Variants in SLF2 observed in about 807,000 individuals in gnomAD.
The protein encoded by SLF2 is SMC5/6 complex localization factor 2.
Under a neutral mutation model 124.3 loss-of-function variants are expected in SLF2, and 68 were observed. That is an observed-to-expected ratio of 0.55 (90% CI 0.45 to 0.67). The LOEUF (loss-of-function observed/expected upper bound fraction) is 0.67. Ranked by LOEUF, SLF2 falls within the 30% of genes least tolerant of loss-of-function variation. The pLI, the probability that SLF2 is intolerant of heterozygous loss-of-function variation, is 0.00. For synonymous variants in SLF2, 480 were observed against 478.8 expected (o/e 1.00, Z -0.03); for missense variants, 1,246 against 1,373.7 (o/e 0.91, Z 1.47).
intron 7 of SLF2, 45 bp downstream of exon 7, chr10:100,929,484 C>T: frequency 6.7e-7 from 1 of 1,498,972 alleles, no homozygotes; most frequent in East Asian, 2.4e-5. Context: ...AAAGTTTTTA[C>T]ATTTTTTAGT....
At chr10:100,932,814 G>C (rs1021520698) in intron 9 of SLF2, among the ~76,000 whole-genome samples, 1 of 152,056 alleles carries the variant, frequency 6.6e-6, no homozygotes, top group African/African-American at 2.4e-5. Context: ...AGAGAGTACC[G>C]GGGTGAGAGA....
At chr10:100,945,243 C>G (rs1850080926) in intron 12 of SLF2, 87 bp from the exon 13 acceptor site, 1 of 1,143,116 alleles carries the variant, frequency 8.7e-7, no homozygotes, top group East Asian at 2.9e-5. Context: ...TTTTTTGCAT[C>G]TTTTGTCAAA....
At chr10:100,952,176 G>A (rs1269757982) in intron 17 of SLF2, among the ~76,000 whole-genome samples, 1 of 152,028 alleles carries the variant, frequency 6.6e-6, no homozygotes, top group East Asian at 1.9e-4. Flanking sequence ...CCCAGGAGGC[G>A]GAGGTTGCAG....
chr10:100,916,950 G>C lies in SLF2; in HGVS notation c.565G>C (p.Asp189His), dbSNP rs1324638240. ...TGAAAATAATGAGAAGAATGATAGA[G>C]ATCGAGGCAAAACCAATGCAGACTC... The part of the protein sequence containing the change: ...IHENNEKNDR[D>H]RGKTNADSKK... The change falls in exon 3 of 20, where the codon GAT becomes CAT. Residue 189 changes from aspartate (D) to histidine (H), a missense_variant. Coordinates refer to ENST00000238961, the MANE Select transcript of SLF2 (RefSeq NM_018121.4). The C allele has an allele frequency of 1.9e-6, 3 of 1,614,174 alleles. No individual in the cohort carries two copies. Among genetic ancestry groups the C allele is most frequent in the Non-Finnish European group, 2.5e-6 (3 of 1,180,040 alleles).
At chr10:100,939,215 G>A (rs541093777) in intron 11 of SLF2, among the ~76,000 whole-genome samples, 2 of 152,306 alleles carry the variant, frequency 1.3e-5, no homozygotes, top group African/African-American at 2.4e-5. Context: ...TATCTGAAGT[G>A]TAACTAGTTA....
intron 6 of SLF2, among the ~76,000 whole-genome samples, chr10:100,927,334 A>G (rs996750227): frequency 1.3e-5 from 2 of 152,100 alleles, no homozygotes; most frequent in African/African-American, 2.4e-5. Context: ...ATCTCATGTA[A>G]GTGGTATTAT....
intron 13 of SLF2, among the ~76,000 whole-genome samples, chr10:100,946,467 T>C (rs1427266026): frequency 6.6e-6 from 1 of 151,848 alleles, no homozygotes; most frequent in Non-Finnish European, 1.5e-5. Context: ...GATGAGACTA[T>C]AGATACATGC....
chr10:100,958,939 G>A (rs1476260132), intron 18 of SLF2, among the ~76,000 whole-genome samples: 3 of 152,196 alleles, frequency 2.0e-5, no homozygotes, highest in Non-Finnish European at 4.4e-5. Context: ...CACAAGCATG[G>A]AGAGGAGTAA....
chr10:100,955,480 G>A (rs1028811317), intron 17 of SLF2, among the ~76,000 whole-genome samples: 2 of 152,132 alleles, frequency 1.3e-5, no homozygotes, highest in African/African-American at 4.8e-5. Context: ...TGTTGTGCTA[G>A]CGAGTCGCAG....
At chr10:100,930,428 C>T (rs986595166) in intron 8 of SLF2, among the ~76,000 whole-genome samples, 5 of 152,226 alleles carry the variant, frequency 3.3e-5, no homozygotes, top group African/African-American at 7.2e-5. Context: ...CATTCCCACA[C>T]ACTAAGTTAG....
At position 100,924,505 on chromosome 10, in the gene SLF2, G is replaced by C. The variant is rs1238651198; in HGVS notation, c.1504G>C (p.Asp502His). 6.2e-7 allele frequency: 1 copy of C among 1,613,928 alleles called. No individual in the cohort carries two copies. The highest frequency in any genetic ancestry group is 1.3e-5 in the African/African-American group (1 of 74,888). ...KNCALPVSKKDKERSSSKECS... is the reference protein window; with the variant it reads ...KNCALPVSKKHKERSSSKECS... Reference sequence around the variant, plus strand: ...TTGTGCTCTTCCAGTTTCTAAAAAAGATAAAGAGCGTTCCTCATCTAAAGA... The same window carrying C: ...TTGTGCTCTTCCAGTTTCTAAAAAACATAAAGAGCGTTCCTCATCTAAAGA... Residue 502 changes from aspartate (D) to histidine (H), a missense_variant, in exon 5 of 20, where the codon GAT becomes CAT. By Grantham distance (81) the Asp-to-His change is moderately conservative (BLOSUM62 -1). Coordinates refer to ENST00000238961, the MANE Select transcript of SLF2 (RefSeq NM_018121.4).
intron 11 of SLF2, among the ~76,000 whole-genome samples, chr10:100,941,026 G>A (rs1033695906): frequency 1.3e-5 from 2 of 151,440 alleles, no homozygotes; most frequent in African/African-American, 4.9e-5. Flanking sequence ...TTTTTATAGA[G>A]AGTGGATCTG....
chr10:100,945,327 C>T lies in SLF2; in HGVS notation c.2758-3C>T. The T allele has an allele frequency of 6.4e-7, 1 of 1,558,898 alleles. No individual in the cohort carries two copies. The highest frequency in any genetic ancestry group is 1.3e-5 in the South Asian group (1 of 79,358). On this transcript the variant is annotated splice_polypyrimidine_tract_variant and splice_region_variant and intron_variant, in intron 12 of 19. Coordinates refer to ENST00000238961, the MANE Select transcript of SLF2 (RefSeq NM_018121.4). ...TTTTTGTCTGTGCATTTATGTTAAA[C>T]AGTTTCTAGGCTTGTGTACATCTAT...
chr10:100,929,623 A>G (rs1292237023), intron 7 of SLF2, among the ~76,000 whole-genome samples, 184 bp downstream of exon 7: 2 of 152,132 alleles, frequency 1.3e-5, no homozygotes, highest in Non-Finnish European at 2.9e-5. Context: ...TCTCCTGGTT[A>G]TTGTTTCTTT....
chr10:100,913,194 A>G lies in SLF2; in HGVS notation c.84A>G (p.Arg28=), dbSNP rs1849350542. Residue 28 remains arginine, a synonymous_variant, in exon 1 of 20, where the codon AGA becomes AGG. Coordinates refer to ENST00000238961, the MANE Select transcript of SLF2 (RefSeq NM_018121.4). ...CGTCGCCCCCGCGCTGCCATCTGAG[A>G]CCCGGTAGTACCGCCCATGCTGCAG... ...PGSSPPRCHL[R]PGSTAHAAAG... is the part of the protein sequence containing the mutation. 2 of 1,612,726 alleles carry G rather than the reference A, an allele frequency of 1.2e-6. No individual in the cohort carries two copies. The highest frequency in any genetic ancestry group is 1.7e-5 in the Admixed American group (1 of 59,890).
Position 100,912,993 on chromosome 10 carries a change from G to A in SLF2, c.-118G>A. 2.7e-6 allele frequency: 3 copies of A among 1,124,534 alleles called. No individual in the cohort carries two copies. The South Asian group carries it at 4.4e-5, about 17-fold the overall frequency. The allele number at this position is 1,124,534 out of a possible 1,614,324, so 69.7% of individuals were successfully genotyped here. ...CGAAGAGAGAACCGCCATGAAGAGA[G>A]AAGGGGGTGCCGCCCACCTCTGCTC... On this transcript the variant is annotated 5_prime_UTR_variant, in exon 1 of 20. Coordinates refer to ENST00000238961, the MANE Select transcript of SLF2 (RefSeq NM_018121.4).
At chr10:100,942,438 A>G (rs115403416) in intron 11 of SLF2, among the ~76,000 whole-genome samples, 148 of 152,278 alleles carry the variant, frequency 9.7e-4, no homozygotes, top group African/African-American at 3.4e-3. Context: ...TGCGCAAGGT[A>G]TGGGGATGGG....
chr10:100,917,984 G>A (rs989519555), intron 3 of SLF2, among the ~76,000 whole-genome samples: 11 of 152,210 alleles, frequency 7.2e-5, no homozygotes, highest in Admixed American at 5.2e-4. Context: ...CTACTTAGGA[G>A]GCTAAGGTGG....
intron 15 of SLF2, among the ~76,000 whole-genome samples, 177 bp downstream of exon 15, chr10:100,948,024 A>G (rs1850137939): frequency 6.6e-6 from 1 of 152,214 alleles, no homozygotes; most frequent in African/African-American, 2.4e-5. Context: ...CATCTGTGAA[A>G]TGGAGATAAT....
Sources: gnomAD v4.1 joint callset for allele counts (sites outside exome capture counted in the v4.1 genomes callset) on GRCh38, gnomAD v4.1.1 for gene constraint, MANE v1.5 for transcripts, NCBI Gene and HGNC (gene_info 2026-07-23, HGNC 2026-07-21) for gene names.